The following PAK1 variants were observed in gnomAD, a reference collection of about 807,000 sequenced individuals.
The protein encoded by PAK1 is serine/threonine-protein kinase PAK 1.
In PAK1, 29 loss-of-function variants were observed where a neutral mutation model predicts 67.4. The ratio of observed to expected loss-of-function variants is 0.43; its 90% CI spans 0.32 to 0.59. The LOEUF is 0.59. Among genes scored for constraint, PAK1 ranks in the 20% least tolerant of loss-of-function variants. The pLI, the probability that PAK1 is intolerant of heterozygous loss-of-function variation, is 0.07. For missense variants in PAK1, 337 were observed against 670.7 expected (o/e 0.50, Z 5.50); for synonymous variants, 223 against 237.4 (o/e 0.94, Z 0.56).
chr11:77,495,052 C>A, the PAK1 span, among the ~76,000 whole-genome samples: 1 of 151,694 alleles, frequency 6.6e-6, no homozygotes, highest in Non-Finnish European at 1.5e-5. Context: ...GTCCCAGCTA[C>A]TTGGGAGGCT....
At chr11:77,522,429 C>T in the PAK1 span, among the ~76,000 whole-genome samples, 1 of 152,176 alleles carries the variant, frequency 6.6e-6, no homozygotes, top group African/African-American at 2.4e-5. Context: ...CCCTTCCAGT[C>T]AAAGCCTTAG....
chr11:77,398,384 T>G (rs561479709), intron 1 of PAK1, among the ~76,000 whole-genome samples: 78 of 152,324 alleles, frequency 5.1e-4, no homozygotes, highest in African/African-American at 1.9e-3. Context: ...TGTCCCTGGC[T>G]TATTTCACTT....
At chr11:77,410,217 T>C (rs1954297384) in intron 1 of PAK1, among the ~76,000 whole-genome samples, 1 of 152,086 alleles carries the variant, frequency 6.6e-6, no homozygotes. Context: ...AAAGGGAACT[T>C]GAGCCTCTGC....
At chr11:77,380,092 CA>C (rs1395351915) in intron 2 of PAK1, 98 bp from the exon 3 acceptor site, 2 of 765,420 alleles carry the variant, frequency 2.6e-6, no homozygotes, top group African/African-American at 1.7e-5. Context: ...CTTGAGAGGG[CA>C]AAGTCTATCT....
intron 14 of PAK1, among the ~76,000 whole-genome samples, chr11:77,327,541 A>G (rs1463672482): frequency 1.3e-5 from 2 of 152,060 alleles, no homozygotes; most frequent in Non-Finnish European, 2.9e-5. Context: ...ACTAAGCTTC[A>G]TAAGTGAAGG....
At chr11:77,499,625 C>T in the PAK1 span, among the ~76,000 whole-genome samples, 3 of 152,186 alleles carry the variant, frequency 2.0e-5, no homozygotes, top group Admixed American at 2.0e-4. Context: ...GTAGGTACTG[C>T]CTCTTAAGTA....
chr11:77,469,124 T>C (rs1957733372), intron 1 of PAK1, among the ~76,000 whole-genome samples: 1 of 152,230 alleles, frequency 6.6e-6, no homozygotes, highest in Non-Finnish European at 1.5e-5. Flanking sequence ...AACATTCCTA[T>C]ATCCTCTGTG....
Position 77,339,322 on chromosome 11 carries a change from G to T in PAK1, c.1116+1324C>A, listed in dbSNP as rs974213766. On this transcript the variant is annotated intron_variant, in intron 11 of 14. Coordinates refer to ENST00000356341, the MANE Select transcript of PAK1 (RefSeq NM_002576.5). ...GTGAAACTTCGTTCCTGAGGGTAAG[G>T]GGGTGGGGTGAAAAAAATCTTAGGT... Among the ~76,000 whole-genome samples, 4 of 152,008 alleles carry T rather than the reference G, an allele frequency of 2.6e-5. No homozygotes were observed. The East Asian group carries it at 7.7e-4, about 29-fold the overall frequency.
chr11:77,365,250 T>C (rs1256298921), intron 5 of PAK1, among the ~76,000 whole-genome samples: 1 of 32,040 alleles, frequency 3.1e-5, no homozygotes, highest in Non-Finnish European at 5.5e-5. Context: ...AGACTCTGTC[T>C]CAAAAAAAAA....
intron 5 of PAK1, among the ~76,000 whole-genome samples, chr11:77,366,730 C>A (rs1359107606): frequency 1.3e-5 from 2 of 152,146 alleles, no homozygotes; most frequent in Non-Finnish European, 2.9e-5. Flanking sequence ...GAAACTGGAA[C>A]CCTCATTAAT....
chr11:77,427,726 A>C (rs530532962), intron 1 of PAK1, among the ~76,000 whole-genome samples: 3 of 151,556 alleles, frequency 2.0e-5, no homozygotes, highest in East Asian at 4.4e-4. Flanking sequence ...GCTGATTGTG[A>C]AAAGAGAGAG....
the PAK1 span, among the ~76,000 whole-genome samples, chr11:77,492,154 C>T: frequency 1.1e-4 from 16 of 152,072 alleles, no homozygotes; most frequent in South Asian, 4.1e-4. Flanking sequence ...AGATGGATCA[C>T]GAACATTCCC....
the PAK1 span, among the ~76,000 whole-genome samples, chr11:77,523,230 G>GA: frequency 1.8e-4 from 28 of 152,162 alleles, no homozygotes; most frequent in African/African-American, 5.8e-4. Context: ...AATAATAGTT[G>GA]AAAAATTTTT....
rs531546166 is a variant in PAK1, at chr11:77,473,656, T to C, written c.-126A>G. On this transcript the variant is annotated 5_prime_UTR_variant, in exon 1 of 15. Transcript: ENST00000356341. ...GAGTGTGCGCGAGCTACCGCTTCAC[T>C]TTCTCCCTCCTGCCGCCGCCGCCGC... 3 of 152,742 alleles carry C rather than the reference T, an allele frequency of 2.0e-5. No homozygotes were observed. The highest frequency in any genetic ancestry group is 1.9e-4 in the East Asian group (1 of 5,156). The allele number at this position is 152,742 out of a possible 1,614,324, so 9.5% of individuals were successfully genotyped here.
chr11:77,392,477 G>A lies in PAK1; in HGVS notation c.44C>T (p.Pro15Leu). Reference sequence around the variant, plus strand: ...CATAGTGCTGGTATTTCTCATCGGAGGGGCTGGGGGTTTGTCTTGAATGTC... The same window carrying A: ...CATAGTGCTGGTATTTCTCATCGGAAGGGCTGGGGGTTTGTCTTGAATGTC... ...GLDIQDKPPAPPMRNTSTMIG... is the reference protein window; with the variant it reads ...GLDIQDKPPALPMRNTSTMIG... The change falls in exon 2 of 15, where the codon CCT (proline) becomes CTT (leucine). Residue 15 changes from proline to leucine, a missense_variant. Pro to Leu is a moderately conservative substitution (Grantham distance 98). Around this residue, in one of 8 missense-constraint regions of PAK1, gnomAD observed 27 missense variants for 37.0 expected, o/e 0.73. Coordinates refer to ENST00000356341, the MANE Select transcript of PAK1 (RefSeq NM_002576.5). 2.5e-6 allele frequency: 4 copies of A among 1,613,654 alleles called. No homozygotes were observed. The highest frequency in any genetic ancestry group is 3.4e-6 in the Non-Finnish European group (4 of 1,179,714).
rs903976994 is a variant in PAK1, at chr11:77,351,416, C to T, written c.836+2120G>A. On this transcript the variant is annotated intron_variant, in intron 8 of 14. Coordinates refer to ENST00000356341, the MANE Select transcript of PAK1 (RefSeq NM_002576.5). ...ACTCCAGTCCAGAGAAGAAACCTGA[C>T]TTGCCTATGCTTGTCCATGTACATT... 3.9e-5 allele frequency among the ~76,000 whole-genome samples: 6 copies of T among 152,046 alleles called. No homozygotes were observed. In the East Asian group the frequency reaches 9.6e-4, roughly 24 times the overall value.
the PAK1 span, among the ~76,000 whole-genome samples, chr11:77,489,802 C>T: frequency 6.6e-6 from 1 of 152,060 alleles, no homozygotes; most frequent in Non-Finnish European, 1.5e-5. Flanking sequence ...CTCGCTACAA[C>T]CTCCACCTCC....
At chr11:77,482,647 G>A in the PAK1 span, among the ~76,000 whole-genome samples, 27 of 149,000 alleles carry the variant, frequency 1.8e-4, no homozygotes, top group African/African-American at 6.5e-4. Flanking sequence ...AGGCTGGAGT[G>A]CAGTGGCATG....
chr11:77,411,592 G>C (rs143556266), intron 1 of PAK1, among the ~76,000 whole-genome samples: 1 of 152,228 alleles, frequency 6.6e-6, no homozygotes, highest in Non-Finnish European at 1.5e-5. Flanking sequence ...GCCTAGCCCT[G>C]GGTGGGCTCA....
Sources: gnomAD v4.1 joint callset for allele counts (sites outside exome capture counted in the v4.1 genomes callset) on GRCh38, gnomAD v4.1.1 for gene constraint, gnomAD v4.1.1 regional missense constraint, MANE v1.5 for transcripts, NCBI Gene and HGNC (gene_info 2026-07-23, HGNC 2026-07-21) for gene names.